The following FMN1 variants were observed in gnomAD, a reference collection of about 807,000 sequenced individuals.
FMN1 encodes the protein formin 1.
Under a neutral mutation model 132.4 loss-of-function variants are expected in FMN1, and 110 were observed. The ratio of observed to expected loss-of-function variants is 0.83; its 90% CI spans 0.71 to 0.97. The LOEUF (loss-of-function observed/expected upper bound fraction) is 0.97. Among genes scored for constraint, FMN1 ranks in the 50% least tolerant of loss-of-function variants. The pLI, the probability that FMN1 is intolerant of heterozygous loss-of-function variation, is 0.00. For synonymous variants in FMN1, 722 were observed against 651.7 expected (o/e 1.11, Z -1.64); for missense variants, 1,792 against 1,705.3 (o/e 1.05, Z -0.90).
intron 19 of FMN1, among the ~76,000 whole-genome samples, chr15:32,793,980 G>A (rs1432136268): frequency 2.0e-5 from 3 of 152,148 alleles, no homozygotes; most frequent in Admixed American, 2.0e-4. Flanking sequence ...TTGAGTGACA[G>A]CATCTCTAAG....
intron 9 of FMN1, among the ~76,000 whole-genome samples, chr15:32,943,433 T>C (rs2061439888): frequency 6.6e-6 from 1 of 152,196 alleles, no homozygotes; most frequent in Non-Finnish European, 1.5e-5. Context: ...ACTATGGACA[T>C]TAAGAGGCTG....
intron 15 of FMN1, among the ~76,000 whole-genome samples, chr15:32,889,642 G>A (rs1286127850): frequency 6.6e-6 from 1 of 151,946 alleles, no homozygotes; most frequent in Non-Finnish European, 1.5e-5. Flanking sequence ...ACACTTCCTT[G>A]TTCATACTCA....
At chr15:32,862,138 C>T (rs1470733707) in intron 16 of FMN1, among the ~76,000 whole-genome samples, 2 of 151,994 alleles carry the variant, frequency 1.3e-5, no homozygotes. Flanking sequence ...AAATGGGAGA[C>T]CTGAAGGCTA....
At chr15:32,907,321 A>C (rs2060451310) in intron 12 of FMN1, among the ~76,000 whole-genome samples, 1 of 151,408 alleles carries the variant, frequency 6.6e-6, no homozygotes, top group Non-Finnish European at 1.5e-5. Context: ...GTGATGGGAG[A>C]CAGTGACAGA....
chr15:32,837,596 C>G (rs924870333), intron 17 of FMN1, among the ~76,000 whole-genome samples: 6 of 152,190 alleles, frequency 3.9e-5, no homozygotes, highest in African/African-American at 1.4e-4. Context: ...GAGGAATGCC[C>G]ATGAAGTAGA....
At position 32,774,223 on chromosome 15, in the gene FMN1, C is replaced by T; in HGVS notation, c.*87G>A. 1 of 1,049,344 alleles carries T rather than the reference C, an allele frequency of 9.5e-7. No individual in the cohort carries two copies. Among genetic ancestry groups the T allele is most frequent in the Non-Finnish European group, 1.4e-6 (1 of 698,630 alleles). 65.0% of individuals were successfully genotyped at this position (1,049,344 alleles called of 1,614,324 possible). On this transcript the variant is annotated 3_prime_UTR_variant, in exon 21 of 21. Transcript: ENST00000616417. ...AACAAACATTTAGTGACACATCTTT[C>T]AAGAACGTCCTGCAACCCTGTGGTC...
chr15:33,127,598 C>T (rs1281196423), intron 4 of FMN1, among the ~76,000 whole-genome samples: 2 of 152,004 alleles, frequency 1.3e-5, no homozygotes, highest in African/African-American at 2.4e-5. Flanking sequence ...TAAAGCTAGT[C>T]AACCAAGACA....
intron 10 of FMN1, among the ~76,000 whole-genome samples, chr15:32,925,306 C>A (rs542994922): frequency 9.9e-5 from 15 of 152,260 alleles, no homozygotes; most frequent in African/African-American, 3.6e-4. Context: ...AATAAGTGCT[C>A]ACTAACATCA....
chr15:33,024,815 A>T (rs1399284410), intron 6 of FMN1, among the ~76,000 whole-genome samples: 1 of 152,210 alleles, frequency 6.6e-6, no homozygotes, highest in Non-Finnish European at 1.5e-5. Context: ...GAATAAACTT[A>T]AATTTCCATC....
chr15:33,046,202 T>A (rs549151378), intron 6 of FMN1, among the ~76,000 whole-genome samples: 71 of 152,298 alleles, frequency 4.7e-4, no homozygotes, highest in Non-Finnish European at 9.3e-4. Context: ...ATTGGGATCC[T>A]TAATATCTGG....
intron 9 of FMN1, among the ~76,000 whole-genome samples, chr15:32,944,608 T>G (rs562312849): frequency 6.6e-6 from 1 of 152,054 alleles, no homozygotes; most frequent in Non-Finnish European, 1.5e-5. Context: ...CACCAAGAAA[T>G]GTGAAAAGGC....
intron 12 of FMN1, among the ~76,000 whole-genome samples, chr15:32,907,072 C>T (rs1398516120): frequency 6.6e-6 from 1 of 152,144 alleles, no homozygotes; most frequent in Non-Finnish European, 1.5e-5. Flanking sequence ...CTGTGCCCAA[C>T]CTTTTTAGCA....
At chr15:33,009,731 C>CTT (rs916168904) in intron 6 of FMN1, among the ~76,000 whole-genome samples, 2 of 152,096 alleles carry the variant, frequency 1.3e-5, no homozygotes, top group Admixed American at 1.3e-4. Flanking sequence ...TGCATAGAGA[C>CTT]ATTAAGTAGC....
In FMN1 at chr15:33,148,676, G is replaced by A. The variant is rs187399399; in HGVS notation, c.1867+4372C>T. On this transcript the variant is annotated intron_variant, in intron 4 of 20. Coordinates refer to ENST00000616417, the MANE Select transcript of FMN1 (RefSeq NM_001277313.2). ...CCCCTGTCTGGGCTCCAGTGACCAC[G>A]CACGCCTTCCCTTGCGCCTTCAGCC... 8.7e-3 allele frequency among the ~76,000 whole-genome samples: 1,228 copies of A among 140,656 alleles called. 9 individuals carry two copies. Among genetic ancestry groups the A allele is most frequent in the African/African-American group, 0.032 (981 of 30,502 alleles). The allele number at this position is 140,656 out of a possible 152,430, so 92.3% of individuals were successfully genotyped here.
chr15:32,847,194 A>T (rs1328478757), intron 17 of FMN1, among the ~76,000 whole-genome samples: 1 of 152,142 alleles, frequency 6.6e-6, no homozygotes, highest in Non-Finnish European at 1.5e-5. Flanking sequence ...CAAAGTTGTA[A>T]AAATCAGTTT....
Position 32,863,388 on chromosome 15 carries a change from T to C in FMN1, c.3836-6281A>G, listed in dbSNP as rs922861563. 2.0e-4 allele frequency among the ~76,000 whole-genome samples: 31 copies of C among 152,178 alleles called. No individual in the cohort carries two copies. The East Asian group carries it at 4.8e-3, about 24-fold the overall frequency. On this transcript the variant is annotated intron_variant, in intron 16 of 20. Transcript: ENST00000616417. ...GGCGGAGCTTGCAGTGAGCCGAGAT[T>C]GTGCCACTGCACTCCAGCCTGGGCG...
intron 3 of FMN1, among the ~76,000 whole-genome samples, chr15:33,155,544 A>G (rs990104897): frequency 6.6e-6 from 1 of 152,256 alleles, no homozygotes; most frequent in Admixed American, 6.5e-5. Flanking sequence ...TATCGATTCA[A>G]CTTAAAACAC....
chr15:33,152,546 A>T (rs1964478728), intron 4 of FMN1, among the ~76,000 whole-genome samples: 1 of 151,872 alleles, frequency 6.6e-6, no homozygotes, highest in South Asian at 2.1e-4. Context: ...GATGATTACT[A>T]AAAACAAACA....
At chr15:33,012,727 G>A in intron 6 of FMN1, 1 of 753,066 alleles carries the variant, frequency 1.3e-6, no homozygotes, top group South Asian at 1.3e-5. Flanking sequence ...CTTTCGTGGT[G>A]GCCATGGAGG....
Sources: gnomAD v4.1 joint callset for allele counts (sites outside exome capture counted in the v4.1 genomes callset) on GRCh38, gnomAD v4.1.1 for gene constraint, MANE v1.5 for transcripts, NCBI Gene and HGNC (gene_info 2026-07-23, HGNC 2026-07-21) for gene names.